The following HEATR4 variants were observed in gnomAD, a reference collection of about 807,000 sequenced individuals.
HEATR4 encodes HEAT repeat containing 4.
A neutral mutation model predicts 108.8 loss-of-function variants in HEATR4; 95 were observed. The observed-to-expected ratio is 0.87, with a 90% confidence interval of 0.74 to 1.04. HEATR4 has a LOEUF of 1.04. Among genes scored for constraint, HEATR4 ranks in the 50% least tolerant of loss-of-function variants. The probability of loss-of-function intolerance (pLI) is 0.00; values close to 1 mark genes in which losing one functional copy is unlikely to be tolerated. For missense variants in HEATR4, 1,152 were observed against 1,253.8 expected (o/e 0.92, Z 1.23); for synonymous variants, 443 against 459.4 (o/e 0.96, Z 0.46).
chr14:73,576,476 A>C, the HEATR4 span, among the ~76,000 whole-genome samples: 4 of 151,986 alleles, frequency 2.6e-5, no homozygotes, highest in African/African-American at 9.7e-5. Context: ...TGAATTACAT[A>C]AGTGATTTTA....
the HEATR4 span, chr14:73,631,591 G>A: frequency 6.1e-6 from 1 of 163,588 alleles, no homozygotes; most frequent in Non-Finnish European, 1.4e-5. Context: ...TGCTCCCGGG[G>A]CCCTAACCTA....
the HEATR4 span, among the ~76,000 whole-genome samples, chr14:73,565,961 G>T: frequency 6.6e-6 from 1 of 151,936 alleles, no homozygotes; most frequent in Admixed American, 6.6e-5. Context: ...GAGCCCAGGG[G>T]TCTGTTTTGA....
the HEATR4 span, among the ~76,000 whole-genome samples, chr14:73,601,072 T>C: frequency 2.0e-5 from 3 of 151,526 alleles, no homozygotes; most frequent in Admixed American, 6.6e-5. Context: ...ACCCAGGAGA[T>C]GGAAATTGCA....
At chr14:73,521,120 C>T in intron 3 of HEATR4, 81 bp from the exon 4 acceptor site, 1 of 1,242,390 alleles carries the variant, frequency 8.0e-7, no homozygotes, top group Non-Finnish European at 1.2e-6. Context: ...ACAGCTCGTT[C>T]CCTTTCCTCT....
the HEATR4 span, chr14:73,612,562 C>A: frequency 1.2e-5 from 16 of 1,372,648 alleles, no homozygotes; most frequent in African/African-American, 2.4e-4. Flanking sequence ...CCTGTTCTAC[C>A]CAGATTGGGA....
chr14:73,478,523 A>C lies in HEATR4; in HGVS notation c.*83T>G. On this transcript the variant is annotated 3_prime_UTR_variant, in exon 18 of 18. Coordinates refer to ENST00000553558, the MANE Select transcript of HEATR4 (RefSeq NM_001220484.1). The stretch of plus-strand genomic sequence containing the variant: ...TTCTCTTTATAAACATAGTGACAAC[A>C]AGATTGTACAGTATCAATTAAAAAG... 3 of 850,272 alleles carry C rather than the reference A, an allele frequency of 3.5e-6. No homozygotes were observed. The highest frequency in any genetic ancestry group is 5.8e-6 in the Non-Finnish European group (3 of 520,446). 52.7% of individuals were successfully genotyped at this position (850,272 alleles called of 1,614,324 possible). A position where few individuals can be genotyped will look rare whatever the true frequency, so the allele number is the denominator to read the frequency against.
intron 1 of HEATR4, among the ~76,000 whole-genome samples, chr14:73,553,496 A>G (rs57525115): frequency 0.098 from 11,071 of 113,290 alleles, 3,039 homozygotes; most frequent in African/African-American, 0.28. Context: ...AGGCAACTGA[A>G]CAGGACTAGA....
the HEATR4 span, among the ~76,000 whole-genome samples, chr14:73,565,052 G>T: frequency 6.6e-6 from 1 of 151,886 alleles, no homozygotes; most frequent in Admixed American, 6.6e-5. Context: ...AATTAAACTG[G>T]TTAAACCAAA....
At chr14:73,507,370 A>G (rs1251868335) in intron 9 of HEATR4, among the ~76,000 whole-genome samples, 4 of 152,138 alleles carry the variant, frequency 2.6e-5, no homozygotes, top group African/African-American at 4.8e-5. Context: ...ACTCATGCTT[A>G]TTCTACGTTT....
chr14:73,498,313 CTCGGGACTTACTTGCCCAA>C lies in HEATR4; in HGVS notation c.2369_2387del (p.Ile790SerfsTer2). 1 of 1,609,804 alleles carries C rather than the reference CTCGGGACTTACTTGCCCAA, an allele frequency of 6.2e-7. No individual in the cohort carries two copies. Among genetic ancestry groups the C allele is most frequent in the East Asian group, 2.2e-5 (1 of 44,744 alleles). ...TAGCCCAGAGCAGAAGATCCGTCAG[CTCGGGACTTACTTGCCCAA>C]TCTGTCCCAAAGCTGCAGAGATTAG... On this transcript the variant is annotated frameshift_variant, in exon 14 of 18. Transcript: ENST00000553558. LOFTEE classifies it high-confidence loss of function.
At chr14:73,605,891 C>G in the HEATR4 span, among the ~76,000 whole-genome samples, 1 of 152,036 alleles carries the variant, frequency 6.6e-6, no homozygotes, top group Admixed American at 6.6e-5. Context: ...AGATTCTAAC[C>G]CTCCCTAAAC....
the HEATR4 span, chr14:73,569,869 T>G: frequency 4.0e-5 from 64 of 1,604,800 alleles, 1 homozygote; most frequent in Middle Eastern, 3.4e-4. Flanking sequence ...CGAGGCACGC[T>G]CTTCCTGCCG....
chr14:73,580,126 G>T, the HEATR4 span, among the ~76,000 whole-genome samples: 3 of 151,898 alleles, frequency 2.0e-5, no homozygotes, highest in African/African-American at 7.2e-5. Flanking sequence ...AAAGTGATGG[G>T]TGGGGCAGGG....
chr14:73,492,242 T>TG lies in HEATR4; in HGVS notation c.2844+823dup. Reference sequence around the variant, plus strand: ...TCGGGGCTTCATTCACCAAGCTGAATGCCAGGATGGAGTCCACTCTCTGCA... The same window carrying TG: ...TCGGGGCTTCATTCACCAAGCTGAATGGCCAGGATGGAGTCCACTCTCTGCA... On this transcript the variant is annotated intron_variant, in intron 17 of 17. Transcript: ENST00000553558. The surrounding 1 kb of genome is among the most constrained non-coding windows in gnomAD (Gnocchi z 4.9). The TG allele has an allele frequency of 6.2e-7, 1 of 1,614,048 alleles. No homozygotes were observed. Among genetic ancestry groups the TG allele is most frequent in the Non-Finnish European group, 8.5e-7 (1 of 1,179,894 alleles).
intron 12 of HEATR4, among the ~76,000 whole-genome samples, chr14:73,500,252 A>C (rs1306203836): frequency 5.3e-5 from 8 of 151,654 alleles, no homozygotes. Flanking sequence ...CAAACAAACA[A>C]AAAAACCATG....
chr14:73,597,835 A>C, the HEATR4 span, among the ~76,000 whole-genome samples: 2 of 151,112 alleles, frequency 1.3e-5, no homozygotes, highest in Non-Finnish European at 2.9e-5. Context: ...CTTGTGATCC[A>C]TCTGCCTCGG....
the HEATR4 span, chr14:73,631,870 G>T: frequency 6.4e-6 from 1 of 156,918 alleles, no homozygotes; most frequent in South Asian, 1.8e-4. Context: ...ACAGCTCTTC[G>T]GCTCTGTGGC....
the HEATR4 span, among the ~76,000 whole-genome samples, chr14:73,579,667 T>G: frequency 6.6e-6 from 1 of 151,478 alleles, no homozygotes; most frequent in African/African-American, 2.4e-5. Context: ...TCTTCCCACC[T>G]TGGCCTCTCC....
At chr14:73,610,503 C>G in the HEATR4 span, among the ~76,000 whole-genome samples, 2 of 152,046 alleles carry the variant, frequency 1.3e-5, no homozygotes, top group Non-Finnish European at 2.9e-5. Flanking sequence ...GTTGGCCAGG[C>G]TGGTCTCAAA....
Sources: allele counts gnomAD v4.1 joint callset (sites outside exome capture counted in the v4.1 genomes callset), GRCh38; gene constraint gnomAD v4.1.1; non-coding constraint Gnocchi (gnomAD v3.1); transcripts MANE v1.5; gene names NCBI Gene and HGNC (gene_info 2026-07-23, HGNC 2026-07-21).